Variants in NEMP2 observed in about 807,000 individuals in gnomAD.
NEMP2 encodes nuclear envelope integral membrane protein 2.
In NEMP2, 53 loss-of-function variants were observed where a neutral mutation model predicts 54.2. The observed-to-expected ratio is 0.98, with a 90% CI of 0.78 to 1.23. The LOEUF is 1.23. Among genes scored for constraint, NEMP2 ranks in the 50% most tolerant of loss-of-function variants. The pLI is 0.00. For synonymous variants in NEMP2, 197 were observed against 190.3 expected, an observed-to-expected ratio of 1.04 and a Z score of -0.29; for missense variants, 455 against 511.3, an observed-to-expected ratio of 0.89 and a Z score of 1.06.
the NEMP2 span, among the ~76,000 whole-genome samples, chr2:190,575,142 A>T: frequency 6.6e-5 from 10 of 152,156 alleles, no homozygotes; most frequent in Non-Finnish European, 1.3e-4. Context: ...GGTGTGAGCC[A>T]CCGTGCCCAG....
downstream of NEMP2, chr2:190,501,734 AAC>A (rs1455821916): frequency 6.6e-6 from 1 of 152,660 alleles, no homozygotes; most frequent in Non-Finnish European, 1.5e-5. Context: ...TTCACAATAA[AAC>A]ACAGCTTAAA....
At chr2:190,579,035 T>C in the NEMP2 span, among the ~76,000 whole-genome samples, 1 of 152,152 alleles carries the variant, frequency 6.6e-6, no homozygotes, top group African/African-American at 2.4e-5. Flanking sequence ...TGCTTATATA[T>C]TATCATAGTG....
At chr2:190,430,820 ACGGGGCGGCCGGCCGGG>A in the NEMP2 span, among the ~76,000 whole-genome samples, 1 of 63,832 alleles carries the variant, frequency 1.6e-5, no homozygotes, top group Admixed American at 2.1e-4. Context: ...TCCCTCCCGG[ACGGGGCGGCCGGCCGGG>A]CGGGGGCTGA....
At chr2:190,556,018 C>A in the NEMP2 span, among the ~76,000 whole-genome samples, 1 of 152,118 alleles carries the variant, frequency 6.6e-6, no homozygotes, top group East Asian at 1.9e-4. Flanking sequence ...GGCAGAGACA[C>A]AACAAAAAAA....
the NEMP2 span, among the ~76,000 whole-genome samples, chr2:190,438,978 C>G: frequency 3.3e-5 from 5 of 152,160 alleles, no homozygotes; most frequent in Admixed American, 6.5e-5. The surrounding 1 kb of genome is among the most constrained non-coding windows in gnomAD (Gnocchi z 5.2). Flanking sequence ...TTGTCACCAC[C>G]AAAGTCAGGG....
chr2:190,475,637 C>T, the NEMP2 span, among the ~76,000 whole-genome samples: 3 of 152,126 alleles, frequency 2.0e-5, no homozygotes, highest in South Asian at 4.2e-4. Flanking sequence ...CCATACTGCC[C>T]AAGGTAATTT....
At chr2:190,449,803 G>A in the NEMP2 span, among the ~76,000 whole-genome samples, 1 of 151,748 alleles carries the variant, frequency 6.6e-6, no homozygotes, top group Admixed American at 6.6e-5. Context: ...TCATAGGTGG[G>A]AACTGAACAA....
At chr2:190,627,593 G>GAA in the NEMP2 span, among the ~76,000 whole-genome samples, 187 of 141,998 alleles carry the variant, frequency 1.3e-3, 2 homozygotes, top group East Asian at 5.2e-3. The surrounding 1 kb of genome is among the most constrained non-coding windows in gnomAD (Gnocchi z 4.4). Context: ...AGTTCTTAGG[G>GAA]AAAAAAAAAA....
the NEMP2 span, among the ~76,000 whole-genome samples, chr2:190,572,661 A>G: frequency 6.6e-6 from 1 of 151,576 alleles, no homozygotes; most frequent in Admixed American, 6.6e-5. Context: ...ACATTATATC[A>G]AGAGCTTTTT....
chr2:190,524,193 G>T (rs1426502781), intron 2 of NEMP2, among the ~76,000 whole-genome samples: 1 of 151,814 alleles, frequency 6.6e-6, no homozygotes, highest in East Asian at 1.9e-4. Flanking sequence ...CTTCAGCTTG[G>T]GCAACTGGAG....
the NEMP2 span, among the ~76,000 whole-genome samples, chr2:190,494,032 A>C: frequency 2.0e-4 from 31 of 152,236 alleles, no homozygotes; most frequent in South Asian, 1.9e-3. The surrounding 1 kb of genome is among the most constrained non-coding windows in gnomAD (Gnocchi z 5.7). Context: ...ATGAAATTGA[A>C]GGAAAAAAAA....
At chr2:190,516,500 C>A in intron 5 of NEMP2, 116 bp from the exon 6 acceptor site, 2 of 744,066 alleles carry the variant, frequency 2.7e-6, no homozygotes, top group Non-Finnish European at 4.3e-6. Flanking sequence ...GATTTGAAGT[C>A]AATTTAAGAA....
chr2:190,541,180 G>GTA, the NEMP2 span, among the ~76,000 whole-genome samples: 41,056 of 149,404 alleles, frequency 0.27, 6,265 homozygotes, highest in East Asian at 0.46. This position sits in a 1 kb window ranked among gnomAD's most constrained non-coding sequence, Gnocchi z 5.2. Flanking sequence ...ATATATATGT[G>GTA]TATATATATA....
At chr2:190,574,405 A>G in the NEMP2 span, among the ~76,000 whole-genome samples, 1 of 152,198 alleles carries the variant, frequency 6.6e-6, no homozygotes, top group Non-Finnish European at 1.5e-5. Flanking sequence ...GGTTAGAATG[A>G]GCTAGATTCC....
intron 1 of NEMP2, chr2:190,534,357 T>TG: frequency 1.7e-6 from 2 of 1,200,676 alleles, no homozygotes; most frequent in Middle Eastern, 3.3e-4. Flanking sequence ...AATGTCCAAC[T>TG]GCCAGGCGAG....
At chr2:190,579,476 C>T in the NEMP2 span, among the ~76,000 whole-genome samples, 22 of 151,394 alleles carry the variant, frequency 1.5e-4, no homozygotes, top group Non-Finnish European at 2.8e-4. Context: ...TTAAGATGCC[C>T]GAAGAATTAT....
At chr2:190,588,982 C>T in the NEMP2 span, among the ~76,000 whole-genome samples, 1 of 152,196 alleles carries the variant, frequency 6.6e-6, no homozygotes, top group Non-Finnish European at 1.5e-5. The surrounding 1 kb of genome is among the most constrained non-coding windows in gnomAD (Gnocchi z 5.0). Flanking sequence ...GTATGTACCT[C>T]ACTAGAGAAT....
At position 190,525,345 on chromosome 2, in the gene NEMP2, A is replaced by C. The variant is rs979081073; in HGVS notation, c.131T>G (p.Leu44Ter). The change falls in exon 2 of 9, where the codon TTA (leucine) becomes TGA (stop). Residue 44 changes from leucine to a stop codon, truncating the protein, a stop_gained. Coordinates refer to ENST00000409150, the MANE Select transcript of NEMP2 (RefSeq NM_001142645.2). LOFTEE classifies it high-confidence loss of function. The surrounding 1 kb of genome is among the most constrained non-coding windows in gnomAD (Gnocchi z 5.0). ...RRCKALKEKD[L>*]IRTSESDCYC... Reference sequence around the variant, plus strand: ...ACAGTCTGACTCAGACGTTCTAATTAAATCTTTTTCCTTCAAAGCTTTACA... The same window carrying C: ...ACAGTCTGACTCAGACGTTCTAATTCAATCTTTTTCCTTCAAAGCTTTACA... 1 of 1,550,012 alleles carries C rather than the reference A, an allele frequency of 6.5e-7. No homozygotes were observed. Among genetic ancestry groups the C allele is most frequent in the African/African-American group, 1.4e-5 (1 of 73,012 alleles).
At chr2:190,436,213 G>T in the NEMP2 span, 3 of 1,614,192 alleles carry the variant, frequency 1.9e-6, no homozygotes, top group Non-Finnish European at 2.5e-6. The surrounding 1 kb of genome is among the most constrained non-coding windows in gnomAD (Gnocchi z 5.3). Flanking sequence ...GAAACATTGT[G>T]TTAAGATAAA....
Sources: gnomAD v4.1 joint callset for allele counts (sites outside exome capture counted in the v4.1 genomes callset) on GRCh38, gnomAD v4.1.1 for gene constraint, Gnocchi (gnomAD v3.1) non-coding constraint, MANE v1.5 for transcripts, NCBI Gene and HGNC (gene_info 2026-07-23, HGNC 2026-07-21) for gene names.